Variants in RAPGEF4 observed in about 807,000 individuals in gnomAD.
RAPGEF4 encodes RAP guanine-nucleotide-exchange factor (GEF) 4.
In RAPGEF4, 66 loss-of-function variants were observed where a neutral mutation model predicts 147.9. The observed-to-expected ratio is 0.45, with a 90% CI of 0.37 to 0.55. RAPGEF4 has a LOEUF of 0.55. RAPGEF4 is among the 20% of genes least tolerant of loss of function. The pLI is 0.00. For missense variants in RAPGEF4, 1,071 were observed against 1,257.3 expected (o/e 0.85, Z 2.24); for synonymous variants, 419 against 442.7 (o/e 0.95, Z 0.67).
intron 1 of RAPGEF4, among the ~76,000 whole-genome samples, chr2:172,769,038 T>C (rs112611149): frequency 4.1e-4 from 62 of 152,196 alleles, no homozygotes; most frequent in Non-Finnish European, 7.9e-4. Context: ...TCCTTATGTG[T>C]GAATGTGGAG....
rs3064818 is a variant in RAPGEF4, at chr2:172,841,791, A to AACACAC, written c.444+27387_444+27392dup. Among the ~76,000 whole-genome samples the AACACAC allele has an allele frequency of 1.9e-3, 276 of 147,098 alleles. 3 individuals carry two copies. The highest frequency in any genetic ancestry group is 5.1e-3 in the African/African-American group (203 of 39,952). On this transcript the variant is annotated intron_variant, in intron 4 of 30. Transcript: ENST00000397081. ...ATCCAAATCTACATGTTGGCTGAAT[A>AACACAC]ACACACACACACACACACACACACA...
At position 173,018,761 on chromosome 2, in the gene RAPGEF4, C is replaced by G; in HGVS notation, c.2114C>G (p.Ser705Cys). The G allele has an allele frequency of 6.2e-7, 1 of 1,614,048 alleles. No homozygotes were observed. The highest frequency in any genetic ancestry group is 8.5e-7 in the Non-Finnish European group (1 of 1,180,008). The change falls in exon 22 of 31, where the codon TCC becomes TGC. Residue 705 changes from serine (S) to cysteine (C), a missense_variant. Coordinates refer to ENST00000397081, the MANE Select transcript of RAPGEF4 (RefSeq NM_007023.4). ...AGTGCAGTTGCCGACAAGCTGGGCT[C>G]CGGGGAGGGCCTGATCATAGTCAAG... Reference protein sequence around the residue: ...VISAVADKLGSGEGLIIVKMS... With the variant: ...VISAVADKLGCGEGLIIVKMS...
At chr2:172,989,257 T>C in intron 14 of RAPGEF4, among the ~76,000 whole-genome samples, 1 of 152,186 alleles carries the variant, frequency 6.6e-6, no homozygotes, top group East Asian at 1.9e-4. Flanking sequence ...ACCTTCCTAG[T>C]TTCCACCTCC....
intron 4 of RAPGEF4, among the ~76,000 whole-genome samples, chr2:172,891,643 G>A (rs1292180336): frequency 1.3e-5 from 2 of 152,308 alleles, no homozygotes; most frequent in South Asian, 4.1e-4. Flanking sequence ...ATGGGTGCAC[G>A]TGCAGCATGG....
intron 29 of RAPGEF4, among the ~76,000 whole-genome samples, chr2:173,039,911 T>C (rs1684541019): frequency 6.6e-6 from 1 of 152,042 alleles, no homozygotes; most frequent in East Asian, 1.9e-4. Context: ...GCCCTCCAGC[T>C]GGGTGTGGTG....
At chr2:172,835,496 A>C (rs1458106609) in intron 4 of RAPGEF4, among the ~76,000 whole-genome samples, 1 of 152,228 alleles carries the variant, frequency 6.6e-6, no homozygotes, top group Non-Finnish European at 1.5e-5. Flanking sequence ...GCTTTTTGGC[A>C]GTGTGATACT....
chr2:172,937,037 CAAAAAAAAA>C (rs34104170), intron 6 of RAPGEF4, among the ~76,000 whole-genome samples: 2 of 52,602 alleles, frequency 3.8e-5, no homozygotes, highest in Admixed American at 3.4e-4. Context: ...CCTCTCTCTG[CAAAAAAAAA>C]AAAAAAAAAA....
intron 4 of RAPGEF4, among the ~76,000 whole-genome samples, chr2:172,817,102 TTCATA>T (rs1688585628): frequency 6.6e-6 from 1 of 152,242 alleles, no homozygotes; most frequent in Non-Finnish European, 1.5e-5. Context: ...TATTCATTTA[TTCATA>T]ATATACAGAG....
At chr2:172,906,787 TCTTCA>T (rs1306500726) in intron 4 of RAPGEF4, among the ~76,000 whole-genome samples, 1 of 151,384 alleles carries the variant, frequency 6.6e-6, no homozygotes. Flanking sequence ...CAGGACCCTG[TCTTCA>T]CTTGTCAGAT....
intron 1 of RAPGEF4, among the ~76,000 whole-genome samples, chr2:172,783,561 G>C (rs1394583321): frequency 6.6e-6 from 1 of 152,080 alleles, no homozygotes; most frequent in Non-Finnish European, 1.5e-5. Flanking sequence ...AAACTGCAAT[G>C]GTCCCTGGGA....
At chr2:173,005,711 T>A (rs545209900) in intron 17 of RAPGEF4, among the ~76,000 whole-genome samples, 22 of 152,164 alleles carry the variant, frequency 1.4e-4, no homozygotes, top group African/African-American at 5.3e-4. Context: ...TTAGTAGAGA[T>A]GGAGTTTCAC....
Position 173,051,862 on chromosome 2 carries a change from T to G in RAPGEF4, c.*95T>G. On this transcript the variant is annotated 3_prime_UTR_variant, in exon 31 of 31. Coordinates refer to ENST00000397081, the MANE Select transcript of RAPGEF4 (RefSeq NM_007023.4). ...TACTGACTGTATTGCCACTAGAGAA[T>G]TCTACAAAACAAGCAAAAACACATC... The G allele has an allele frequency of 6.8e-7, 1 of 1,463,390 alleles. No individual in the cohort carries two copies. Among genetic ancestry groups the G allele is most frequent in the Non-Finnish European group, 9.4e-7 (1 of 1,067,208 alleles). The allele number at this position is 1,463,390 out of a possible 1,614,324, so 90.7% of individuals were successfully genotyped here.
At chr2:172,856,133 G>C (rs949361925) in intron 4 of RAPGEF4, among the ~76,000 whole-genome samples, 6 of 151,820 alleles carry the variant, frequency 4.0e-5, no homozygotes, top group African/African-American at 1.5e-4. Flanking sequence ...GATCCCTAAG[G>C]CCTTCTTCAT....
chr2:172,944,102 C>G (rs993658875), intron 6 of RAPGEF4, among the ~76,000 whole-genome samples: 1 of 152,182 alleles, frequency 6.6e-6, no homozygotes, highest in African/African-American at 2.4e-5. Context: ...TTCCTCACTT[C>G]TAGCCAAACA....
chr2:172,815,982 T>C (rs1041775904), intron 4 of RAPGEF4, among the ~76,000 whole-genome samples: 27 of 152,318 alleles, frequency 1.8e-4, no homozygotes, highest in Admixed American at 1.6e-3. Context: ...TTCAGCTTTG[T>C]TTGTTTTTTT....
At chr2:172,806,699 T>C (rs762015087) in intron 3 of RAPGEF4, among the ~76,000 whole-genome samples, 8 of 152,228 alleles carry the variant, frequency 5.3e-5, no homozygotes, top group Non-Finnish European at 1.0e-4. Context: ...GATCAGAGAA[T>C]CCGGGCTACA....
intron 22 of RAPGEF4, among the ~76,000 whole-genome samples, chr2:173,019,311 C>G (rs1463627931): frequency 2.0e-5 from 3 of 152,220 alleles, no homozygotes; most frequent in Non-Finnish European, 4.4e-5. Flanking sequence ...TTTCACTGTC[C>G]TTGATTACAT....
intron 4 of RAPGEF4, among the ~76,000 whole-genome samples, chr2:172,911,850 T>C (rs1700130183): frequency 6.9e-6 from 1 of 144,462 alleles, no homozygotes; most frequent in South Asian, 2.4e-4. Context: ...CATTGTAGCC[T>C]GGAACTCCTG....
chr2:172,986,697 T>TC (rs147986103), intron 12 of RAPGEF4, among the ~76,000 whole-genome samples: 27,636 of 148,572 alleles, frequency 0.19, 2,839 homozygotes, highest in Middle Eastern at 0.3. Context: ...TTTCATATTT[T>TC]CTTTTTTTTT....
Sources: gnomAD v4.1 joint callset for allele counts (sites outside exome capture counted in the v4.1 genomes callset) on GRCh38, gnomAD v4.1.1 for gene constraint, MANE v1.5 for transcripts, NCBI Gene and HGNC (gene_info 2026-07-23, HGNC 2026-07-21) for gene names.